Variants in SMYD3 observed in about 807,000 individuals in gnomAD.
SMYD3 encodes the protein SET and MYND domain containing 3.
A neutral mutation model predicts 57.7 loss-of-function variants in SMYD3; 36 were observed. The ratio of observed to expected loss-of-function variants is 0.62; its 90% confidence interval spans 0.48 to 0.82. The LOEUF is 0.82. Ranked by LOEUF, SMYD3 falls within the 40% of genes least tolerant of loss-of-function variation. SMYD3 has a pLI of 0.00. For synonymous variants in SMYD3, 211 were observed against 195.0 expected (o/e 1.08, Z -0.68); for missense variants, 515 against 538.8 (o/e 0.96, Z 0.44).
intron 11 of SMYD3, among the ~76,000 whole-genome samples, chr1:245,752,222 G>A (rs1572241227): frequency 6.6e-6 from 1 of 152,196 alleles, no homozygotes; most frequent in Non-Finnish European, 1.5e-5. Flanking sequence ...AGATGAATGG[G>A]GCAGAATCAC....
intron 8 of SMYD3, among the ~76,000 whole-genome samples, chr1:245,879,350 G>T (rs570896713): frequency 1.3e-5 from 2 of 152,212 alleles, no homozygotes; most frequent in East Asian, 3.8e-4. Context: ...CAACTGGCTC[G>T]CAGTAACCGC....
At chr1:246,207,248 A>C (rs959739165) in intron 5 of SMYD3, among the ~76,000 whole-genome samples, 1 of 152,078 alleles carries the variant, frequency 6.6e-6, no homozygotes, top group Admixed American at 6.5e-5. Context: ...GGTCATTCAT[A>C]TGTTTACTCC....
intron 10 of SMYD3, among the ~76,000 whole-genome samples, chr1:245,784,772 T>C: frequency 6.6e-6 from 1 of 152,026 alleles, no homozygotes; most frequent in African/African-American, 2.4e-5. Flanking sequence ...GATTCACTTC[T>C]GCTGCATTCT....
intron 5 of SMYD3, among the ~76,000 whole-genome samples, chr1:246,000,097 T>C (rs1251775385): frequency 6.6e-6 from 1 of 152,258 alleles, no homozygotes; most frequent in Non-Finnish European, 1.5e-5. Context: ...AGATGTTTTC[T>C]CTTGCCTAGT....
intron 5 of SMYD3, chr1:245,953,225 G>T: frequency 2.0e-6 from 2 of 999,304 alleles, no homozygotes; most frequent in Non-Finnish European, 2.4e-6. Flanking sequence ...AACAAAGCAA[G>T]ATTACCTTTT....
At chr1:246,346,108 C>T (rs1009553776) in intron 2 of SMYD3, among the ~76,000 whole-genome samples, 109 of 152,226 alleles carry the variant, frequency 7.2e-4, no homozygotes, top group African/African-American at 2.6e-3. Flanking sequence ...CACGGTAACA[C>T]CCCATCTCTA....
At chr1:245,919,129 G>A (rs1326817428) in intron 7 of SMYD3, among the ~76,000 whole-genome samples, 2 of 152,138 alleles carry the variant, frequency 1.3e-5, no homozygotes, top group African/African-American at 4.8e-5. Flanking sequence ...TGGCTTCCCC[G>A]CTGCCTGCAG....
intron 10 of SMYD3, among the ~76,000 whole-genome samples, chr1:245,851,282 C>T (rs2050961674): frequency 6.6e-6 from 1 of 152,156 alleles, no homozygotes; most frequent in African/African-American, 2.4e-5. Context: ...TTTGTATTGC[C>T]TGTTTCGTTT....
At chr1:246,071,237 G>T (rs1558200698) in intron 5 of SMYD3, among the ~76,000 whole-genome samples, 2 of 152,080 alleles carry the variant, frequency 1.3e-5, no homozygotes, top group Non-Finnish European at 2.9e-5. Flanking sequence ...TTTTTTGTGT[G>T]TGTCTGTAAA....
chr1:246,026,954 A>C (rs756903973), intron 5 of SMYD3, among the ~76,000 whole-genome samples: 6 of 152,134 alleles, frequency 3.9e-5, no homozygotes, highest in Non-Finnish European at 8.8e-5. Flanking sequence ...CAAAAGAAAC[A>C]CTCTTGAGGG....
chr1:246,043,343 CTCA>C (rs1428282311), intron 5 of SMYD3, among the ~76,000 whole-genome samples: 1 of 152,224 alleles, frequency 6.6e-6, no homozygotes. Flanking sequence ...AATTAAAATG[CTCA>C]TATGTTCTGA....
In SMYD3 at chr1:246,414,505, T is replaced by C. The variant is rs746930525; in HGVS notation, c.165-59411A>G. On this transcript the variant is annotated intron_variant, in intron 1 of 11. Transcript: ENST00000490107. Reference sequence around the variant, plus strand: ...TTCCTAGAGGAAGAAACAAGAGATTTAGAATGCATGGTGTCATGTAAATCA... The same window carrying C: ...TTCCTAGAGGAAGAAACAAGAGATTCAGAATGCATGGTGTCATGTAAATCA... 2.4e-4 allele frequency among the ~76,000 whole-genome samples: 36 copies of C among 152,138 alleles called. 1 individual carries two copies. Among genetic ancestry groups the C allele is most frequent in the African/African-American group, 8.2e-4 (34 of 41,434 alleles).
intron 8 of SMYD3, among the ~76,000 whole-genome samples, 186 bp from the exon 9 acceptor site, chr1:245,864,072 C>T (rs951685489): frequency 6.6e-6 from 1 of 152,234 alleles, no homozygotes; most frequent in South Asian, 2.1e-4. Context: ...ACTACCATGG[C>T]TATAATCAAA....
chr1:246,291,155 C>G (rs1378166387), intron 5 of SMYD3, among the ~76,000 whole-genome samples: 1 of 152,190 alleles, frequency 6.6e-6, no homozygotes, highest in Admixed American at 6.6e-5. Context: ...AGACAAGCAT[C>G]AGTTACAAAT....
At chr1:246,304,255 C>G (rs1223873291) in intron 5 of SMYD3, among the ~76,000 whole-genome samples, 1 of 152,128 alleles carries the variant, frequency 6.6e-6, no homozygotes, top group Non-Finnish European at 1.5e-5. Context: ...CTATATAGCA[C>G]ACGTACAAAA....
intron 10 of SMYD3, among the ~76,000 whole-genome samples, chr1:245,771,043 T>C (rs1290056860): frequency 6.7e-6 from 1 of 149,736 alleles, no homozygotes; most frequent in Non-Finnish European, 1.5e-5. Flanking sequence ...AAGCTATATA[T>C]ATACACACAC....
At chr1:246,056,720 T>C (rs948194250) in intron 5 of SMYD3, among the ~76,000 whole-genome samples, 1 of 147,320 alleles carries the variant, frequency 6.8e-6, no homozygotes, top group African/African-American at 2.6e-5. Context: ...ATGCATTATA[T>C]ACATGTATCG....
In SMYD3 at chr1:246,418,109, A is replaced by T. The variant is rs550695852; in HGVS notation, c.165-63015T>A. Among the ~76,000 whole-genome samples, 5 of 152,218 alleles carry T rather than the reference A, an allele frequency of 3.3e-5. No individual in the cohort carries two copies. The East Asian group carries it at 9.6e-4, about 29-fold the overall frequency. ...ACATTTATATGCCTCTTCCCCTGTTAATCAGTCTAATGTCAGGTCATTTCA... is the reference window on the plus strand; with the variant it reads ...ACATTTATATGCCTCTTCCCCTGTTTATCAGTCTAATGTCAGGTCATTTCA... On this transcript the variant is annotated intron_variant, in intron 1 of 11. Coordinates refer to ENST00000490107, the MANE Select transcript of SMYD3 (RefSeq NM_001167740.2).
intron 5 of SMYD3, among the ~76,000 whole-genome samples, chr1:246,015,413 T>C (rs1445108311): frequency 6.6e-6 from 1 of 152,186 alleles, no homozygotes; most frequent in Admixed American, 6.5e-5. Flanking sequence ...AACAACTGTA[T>C]GGCATTTTAA....
Sources: gnomAD v4.1 joint callset for allele counts (sites outside exome capture counted in the v4.1 genomes callset) on GRCh38, gnomAD v4.1.1 for gene constraint, MANE v1.5 for transcripts, NCBI Gene and HGNC (gene_info 2026-07-23, HGNC 2026-07-21) for gene names.